The following RASAL3 variants were observed in gnomAD, a reference collection of about 807,000 sequenced individuals.
RASAL3 encodes RAS protein activator like-3.
Under a neutral mutation model 105.5 loss-of-function variants are expected in RASAL3, and 74 were observed. The observed-to-expected ratio is 0.70, with a 90% confidence interval of 0.58 to 0.85. The LOEUF is 0.85. Among genes scored for constraint, RASAL3 ranks in the 40% least tolerant of loss-of-function variants. The probability of loss-of-function intolerance (pLI) is 0.00; values close to 1 mark genes in which losing one functional copy is unlikely to be tolerated. For synonymous variants in RASAL3, 579 were observed against 591.6 expected, an observed-to-expected ratio of 0.98 and a Z score of 0.31; for missense variants, 1,352 against 1,392.0, an observed-to-expected ratio of 0.97 and a Z score of 0.46.
In RASAL3 at chr19:15,454,182, C is replaced by A; in HGVS notation, c.2246G>T (p.Arg749Leu). The change falls in exon 14 of 18, where the codon CGT becomes CTT. Residue 749 changes from arginine (R) to leucine (L), a missense_variant. Coordinates refer to ENST00000343625, the MANE Select transcript of RASAL3 (RefSeq NM_022904.3). Reference protein sequence around the residue: ...GQPVLVSVPMRLPLPPAQVHS... With the variant: ...GQPVLVSVPMLLPLPPAQVHS... ...GACCTGGGCCGGGGGCAGTGGGAGACGCATTGGCACTGACACAAGCACAGG... is the reference window on the plus strand; with the variant it reads ...GACCTGGGCCGGGGGCAGTGGGAGAAGCATTGGCACTGACACAAGCACAGG... The A allele has an allele frequency of 6.4e-7, 1 of 1,567,672 alleles. No homozygotes were observed. Among genetic ancestry groups the A allele is most frequent in the Non-Finnish European group, 8.7e-7 (1 of 1,155,908 alleles).
rs768672238 is a variant in RASAL3, at chr19:15,464,257, C to T, written c.102G>A (p.Ala34=). 16 of 1,609,054 alleles carry T rather than the reference C, an allele frequency of 9.9e-6. No individual in the cohort carries two copies. In the Admixed American group the frequency reaches 2.2e-4, roughly 22 times the overall value. The change falls in exon 2 of 18, where the codon GCG becomes GCA. Residue 34 remains alanine, a synonymous_variant. Transcript: ENST00000343625. ...RWHTGGGGEK[A]AGGFRWGRFA... is the part of the protein sequence containing the mutation. Reference sequence around the variant, plus strand: ...AGCGGCCCCAGCGGAACCCTCCAGCCGCCTTCTCCCCACCGCCCCCTGTGT... The same window carrying T: ...AGCGGCCCCAGCGGAACCCTCCAGCTGCCTTCTCCCCACCGCCCCCTGTGT...
Position 15,456,638 on chromosome 19 carries a change from C to T in RASAL3, c.1440G>A (p.Val480=), listed in dbSNP as rs1236213836. The T allele has an allele frequency of 1.2e-6, 2 of 1,612,306 alleles. No individual in the cohort carries two copies. Among genetic ancestry groups the T allele is most frequent in the Admixed American group, 1.7e-5 (1 of 59,914 alleles). The change falls in exon 10 of 18, where the codon GTG becomes GTA. Residue 480 remains valine (V), a synonymous_variant. Coordinates refer to ENST00000343625, the MANE Select transcript of RASAL3 (RefSeq NM_022904.3). The surrounding 1 kb of genome is among the most constrained non-coding windows in gnomAD (Gnocchi z 4.4). ...LRATGRAQAL[V]TDLGTAELAR... ...CCAGCTCCGCAGTGCCCAGGTCAGT[C>T]ACCAGCGCCTAGGAAGGGCAGGAGG...
At chr19:15,458,206 G>A in intron 8 of RASAL3, 122 bp downstream of exon 8, 1 of 843,930 alleles carries the variant, frequency 1.2e-6, no homozygotes, top group Non-Finnish European at 1.9e-6. Flanking sequence ...TTGCAACGAT[G>A]CAGGCGGGGC....
In RASAL3 at chr19:15,456,936, C is replaced by T. The variant is rs1179354393; in HGVS notation, c.1432-290G>A. On this transcript the variant is annotated intron_variant, in intron 9 of 17. Transcript: ENST00000343625. The surrounding 1 kb of genome is among the most constrained non-coding windows in gnomAD (Gnocchi z 4.4). The stretch of plus-strand genomic sequence containing the variant: ...CTCCGCTCTTCAAGGTGTCCCGCCC[C>T]TTATGGGTGATAATTAGGCCCCGCC... 1.9e-6 allele frequency: 1 copy of T among 520,806 alleles called. No homozygotes were observed. Among genetic ancestry groups the T allele is most frequent in the African/African-American group, 1.9e-5 (1 of 52,152 alleles). The allele number at this position is 520,806 out of a possible 1,614,324, so 32.3% of individuals were successfully genotyped here.
intron 15 of RASAL3, 40 bp from the exon 16 acceptor site, chr19:15,452,855 G>A: frequency 2.0e-6 from 3 of 1,495,422 alleles, no homozygotes; most frequent in African/African-American, 1.4e-5. Flanking sequence ...CCGTTGTCCC[G>A]CCCCTGTGTC....
chr19:15,459,522 G>A (rs1599746523), intron 6 of RASAL3, among the ~76,000 whole-genome samples: 1 of 151,704 alleles, frequency 6.6e-6, no homozygotes, highest in Non-Finnish European at 1.5e-5. Flanking sequence ...GGGATTACAG[G>A]TGTGAGCCAC....
intron 6 of RASAL3, 27 bp from the exon 7 acceptor site, chr19:15,458,682 G>T (rs779030757): frequency 6.2e-7 from 1 of 1,605,482 alleles, no homozygotes; most frequent in Non-Finnish European, 8.5e-7. Context: ...TGAGCACACC[G>T]TCATTCCTGC....
chr19:15,454,992 C>A, intron 11 of RASAL3, 99 bp from the exon 12 acceptor site: 1 of 857,014 alleles, frequency 1.2e-6, no homozygotes. Flanking sequence ...CATGATTGGT[C>A]CATGATCCTC....
intron 8 of RASAL3, 122 bp downstream of exon 8, chr19:15,458,206 G>T: frequency 2.4e-6 from 2 of 843,930 alleles, no homozygotes; most frequent in Non-Finnish European, 3.8e-6. Context: ...TTGCAACGAT[G>T]CAGGCGGGGC....
chr19:15,454,534 A>C lies in RASAL3; in HGVS notation c.1987T>G (p.Phe663Val), dbSNP rs529294277. 6.2e-7 allele frequency: 1 copy of C among 1,614,020 alleles called. No homozygotes were observed. The highest frequency in any genetic ancestry group is 2.2e-5 in the East Asian group (1 of 44,882). ...TGTTCCTCCAGGAAGCTATTCATGA[A>C]GCCCATGTAGGCCTCCTTCTCACCG... ...PFGEKEAYMGFMNSFLEEHGP... is the reference protein window; with the variant it reads ...PFGEKEAYMGVMNSFLEEHGP... Residue 663 changes from phenylalanine to valine, a missense_variant, in exon 13 of 18, where the codon TTC (phenylalanine) becomes GTC (valine). By Grantham distance (50) the Phe-to-Val change is conservative (BLOSUM62 -1). Coordinates refer to ENST00000343625, the MANE Select transcript of RASAL3 (RefSeq NM_022904.3).
chr19:15,457,120 C>T lies in RASAL3; in HGVS notation c.1431+172G>A, dbSNP rs1330159259. 6.6e-6 allele frequency among the ~76,000 whole-genome samples: 1 copy of T among 152,050 alleles called. No individual in the cohort carries two copies. The highest frequency in any genetic ancestry group is 2.4e-5 in the African/African-American group (1 of 41,406). On this transcript the variant is annotated intron_variant, in intron 9 of 17. Coordinates refer to ENST00000343625, the MANE Select transcript of RASAL3 (RefSeq NM_022904.3). The surrounding 1 kb of genome is among the most constrained non-coding windows in gnomAD (Gnocchi z 8.6). The stretch of plus-strand genomic sequence containing the variant: ...GGCCCCGCCCTTCTAGGTGCCCCGC[C>T]CTTCTAGGTGCCCCGCCGCTTACAG...
chr19:15,456,271 A>G lies in RASAL3; in HGVS notation c.1577-23T>C. 2 of 1,609,952 alleles carry G rather than the reference A, an allele frequency of 1.2e-6. No homozygotes were observed. The highest frequency in any genetic ancestry group is 1.7e-6 in the Non-Finnish European group (2 of 1,177,106). On this transcript the variant is annotated intron_variant, in intron 10 of 17. Transcript: ENST00000343625. This position sits in a 1 kb window ranked among gnomAD's most constrained non-coding sequence, Gnocchi z 4.4. Reference sequence around the variant, plus strand: ...GTCCTGCAGCCCAGCACAGCCAGATAGGGGCTGGGGCCATGACCACCAAAA... The same window carrying G: ...GTCCTGCAGCCCAGCACAGCCAGATGGGGGCTGGGGCCATGACCACCAAAA...
chr19:15,452,165 TCCTGGTGGGAGTG>T (rs1376281708), intron 16 of RASAL3, 57 bp from the exon 17 acceptor site: 29 of 1,583,700 alleles, frequency 1.8e-5, no homozygotes, highest in Admixed American at 3.3e-5. Context: ...CCCTTCCAGC[TCCTGGTGGGAGTG>T]CCAGGGACTC....
chr19:15,457,533 G>T lies in RASAL3; in HGVS notation c.1190C>A (p.Ala397Asp). The change falls in exon 9 of 18, where the codon GCC (alanine) becomes GAC (aspartate). Residue 397 changes from alanine (A) to aspartate (D), a missense_variant. Coordinates refer to ENST00000343625, the MANE Select transcript of RASAL3 (RefSeq NM_022904.3). This position sits in a 1 kb window ranked among gnomAD's most constrained non-coding sequence, Gnocchi z 8.6. Reference sequence around the variant, plus strand: ...CGGGAACCAGCGCTCCAGACCGGCGGCAGGCGCGCGTGGGGCGTCCAGCTC... The same window carrying T: ...CGGGAACCAGCGCTCCAGACCGGCGTCAGGCGCGCGTGGGGCGTCCAGCTC... ...LEELDAPRAP[A>D]AGLERWFPLL... is the part of the protein sequence containing the mutation. 3 of 1,129,284 alleles carry T rather than the reference G, an allele frequency of 2.7e-6. No individual in the cohort carries two copies. Among genetic ancestry groups the T allele is most frequent in the Non-Finnish European group, 3.3e-6 (3 of 920,644 alleles). The allele number at this position is 1,129,284 out of a possible 1,614,324, so 70.0% of individuals were successfully genotyped here. A position where few individuals can be genotyped will look rare whatever the true frequency, so the allele number is the denominator to read the frequency against.
Position 15,453,998 on chromosome 19 carries a change from C to G in RASAL3, c.2279+151G>C. 1 of 648,158 alleles carries G rather than the reference C, an allele frequency of 1.5e-6. No homozygotes were observed. Among genetic ancestry groups the G allele is most frequent in the Non-Finnish European group, 2.7e-6 (1 of 369,636 alleles). 40.2% of individuals were successfully genotyped at this position (648,158 alleles called of 1,614,324 possible). A position where few individuals can be genotyped will look rare whatever the true frequency, so the allele number is the denominator to read the frequency against. ...TCCCCGACCTCAAACACACTGTGACCTTTGACCCAACCCTTTCTATAACCT... is the reference window on the plus strand; with the variant it reads ...TCCCCGACCTCAAACACACTGTGACGTTTGACCCAACCCTTTCTATAACCT... On this transcript the variant is annotated intron_variant, in intron 14 of 17. Transcript: ENST00000343625. The surrounding 1 kb of genome is among the most constrained non-coding windows in gnomAD (Gnocchi z 4.2).
In RASAL3 at chr19:15,456,644, C is replaced by T. The variant is rs895804596; in HGVS notation, c.1434G>A (p.Ala478=). The T allele has an allele frequency of 1.2e-6, 2 of 1,611,500 alleles. No homozygotes were observed. The highest frequency in any genetic ancestry group is 1.7e-6 in the Non-Finnish European group (2 of 1,179,338). ...RVLRATGRAQ[A]LVTDLGTAEL... is the part of the protein sequence containing the mutation. ...CCGCAGTGCCCAGGTCAGTCACCAG[C>T]GCCTAGGAAGGGCAGGAGGTCAGGT... The change falls in exon 10 of 18, where the codon GCG becomes GCA. Residue 478 remains alanine (A), a splice_region_variant and synonymous_variant. Coordinates refer to ENST00000343625, the MANE Select transcript of RASAL3 (RefSeq NM_022904.3). This position sits in a 1 kb window ranked among gnomAD's most constrained non-coding sequence, Gnocchi z 4.4.
rs1357598331 is a variant in RASAL3 at position 15,460,183 on chromosome 19, A to G, written c.662+20T>C. 1 of 1,596,582 alleles carries G rather than the reference A, an allele frequency of 6.3e-7. No homozygotes were observed. The highest frequency in any genetic ancestry group is 8.5e-7 in the Non-Finnish European group (1 of 1,170,982). ...GCCAGTGTTGAACCCCAGCCCCTCC[A>G]GCCTCTCATACACCCTTACCCATCC... is the stretch of plus-strand genomic sequence containing the variant. On this transcript the variant is annotated intron_variant, in intron 6 of 17. Coordinates refer to ENST00000343625, the MANE Select transcript of RASAL3 (RefSeq NM_022904.3).
chr19:15,453,571 G>T lies in RASAL3; in HGVS notation c.2280-74C>A. The T allele has an allele frequency of 7.3e-7, 1 of 1,372,028 alleles. No homozygotes were observed. Among genetic ancestry groups the T allele is most frequent in the East Asian group, 3.0e-5 (1 of 32,874 alleles). The allele number at this position is 1,372,028 out of a possible 1,614,324, so 85.0% of individuals were successfully genotyped here. A position where few individuals can be genotyped will look rare whatever the true frequency, so the allele number is the denominator to read the frequency against. ...ACCCCATCCCGACCTGACCAGAAGT[G>T]ACCTCACCCCCCACGTGAACTTGTC... is the stretch of plus-strand genomic sequence containing the variant. On this transcript the variant is annotated intron_variant, in intron 14 of 17. Transcript: ENST00000343625. The surrounding 1 kb of genome is among the most constrained non-coding windows in gnomAD (Gnocchi z 4.2).
intron 8 of RASAL3, 189 bp downstream of exon 8, chr19:15,458,139 G>GGGGC: frequency 1.5e-6 from 1 of 648,054 alleles, no homozygotes; most frequent in Non-Finnish European, 2.7e-6. Flanking sequence ...GTGGACAGAA[G>GGGGC]GGGCGGGTCT....
Sources: allele counts gnomAD v4.1 joint callset (sites outside exome capture counted in the v4.1 genomes callset), GRCh38; gene constraint gnomAD v4.1.1; non-coding constraint Gnocchi (gnomAD v3.1); transcripts MANE v1.5; gene names NCBI Gene and HGNC (gene_info 2026-07-23, HGNC 2026-07-21).